The following ZNF546 variants were observed in gnomAD, a reference collection of about 807,000 sequenced individuals.
ZNF546 encodes CTC-471F3.6.
A neutral mutation model predicts 76.2 loss-of-function variants in ZNF546; 60 were observed. That is an observed-to-expected ratio of 0.79 (90% CI 0.64 to 0.98). The LOEUF (loss-of-function observed/expected upper bound fraction) is 0.98. Ranked by LOEUF, ZNF546 falls within the 50% of genes least tolerant of loss-of-function variation. The probability of loss-of-function intolerance (pLI) is 0.00; values close to 1 mark genes in which losing one functional copy is unlikely to be tolerated. For synonymous variants in ZNF546, 277 were observed against 328.1 expected (o/e 0.84, Z 1.68); for missense variants, 936 against 1,035.6 (o/e 0.90, Z 1.32).
intron 6 of ZNF546, among the ~76,000 whole-genome samples, chr19:40,010,183 A>C (rs1240668505): frequency 1.3e-5 from 2 of 152,150 alleles, no homozygotes; most frequent in African/African-American, 4.8e-5. Context: ...CAGGTGGATC[A>C]CTGGAGGTCA....
In ZNF546 at chr19:40,002,945, C is replaced by A. The variant is rs146648823; in HGVS notation, c.85-3151C>A. Among the ~76,000 whole-genome samples, 37 of 152,270 alleles carry A rather than the reference C, an allele frequency of 2.4e-4. No individual in the cohort carries two copies. The East Asian group carries it at 7.1e-3, about 29-fold the overall frequency. On this transcript the variant is annotated intron_variant, in intron 3 of 6. Transcript: ENST00000347077. ...AAACTCCTGACCTCAAAAGATCCGC[C>A]CACCTTGGCCTCCCAAAGTCCTGGG...
chr19:39,998,207 G>T, intron 2 of ZNF546, 41 bp from the exon 3 acceptor site: 1 of 720,204 alleles, frequency 1.4e-6, no homozygotes, highest in Non-Finnish European at 2.4e-6. Flanking sequence ...ATATCTTTAA[G>T]TAAATCTTTA....
rs1212232174 is a variant in ZNF546 at position 40,019,438 on chromosome 19, A to G, written c.*3657A>G. The G allele has an allele frequency of 6.6e-6, 1 of 152,206 alleles. No individual in the cohort carries two copies. The highest frequency in any genetic ancestry group is 1.5e-5 in the Non-Finnish European group (1 of 68,016). 9.4% of individuals were successfully genotyped at this position (152,206 alleles called of 1,614,324 possible). Reference sequence around the variant, plus strand: ...TCATTAAAAGGAGTTAATGAATTTGAAAATAAAATAGACTTATTAAGGCTT... The same window carrying G: ...TCATTAAAAGGAGTTAATGAATTTGGAAATAAAATAGACTTATTAAGGCTT... On this transcript the variant is annotated 3_prime_UTR_variant, in exon 7 of 7. Coordinates refer to ENST00000347077, the MANE Select transcript of ZNF546 (RefSeq NM_178544.5).
rs753049110 is a variant in ZNF546 at position 40,015,883 on chromosome 19, TG to T, written c.*103del. On this transcript the variant is annotated 3_prime_UTR_variant, in exon 7 of 7. Transcript: ENST00000347077. ...ACATGTGGGAATCCCTTTTACTTCATGCTCACAATTTATCAGAAATTATTTC... is the reference window on the plus strand; with the variant it reads ...ACATGTGGGAATCCCTTTTACTTCATCTCACAATTTATCAGAAATTATTTC... 4 of 1,026,552 alleles carry T rather than the reference TG, an allele frequency of 3.9e-6. No homozygotes were observed. Among genetic ancestry groups the T allele is most frequent in the Non-Finnish European group, 6.0e-6 (4 of 670,838 alleles). The allele number at this position is 1,026,552 out of a possible 1,614,324, so 63.6% of individuals were successfully genotyped here. A position where few individuals can be genotyped will look rare whatever the true frequency, so the allele number is the denominator to read the frequency against.
At chr19:40,004,545 A>G (rs1971578230) in intron 3 of ZNF546, among the ~76,000 whole-genome samples, 1 of 152,228 alleles carries the variant, frequency 6.6e-6, no homozygotes, top group African/African-American at 2.4e-5. Flanking sequence ...CTAGGATTAC[A>G]GGCGTGAGCC....
rs367553737 is a variant in ZNF546, at chr19:39,998,320, A to G, written c.-7A>G. ...CCCAGGCCTTCCTTTCCAGTGAACAATGGACCATGCAGGTGGACCCTCCTC... is the reference window on the plus strand; with the variant it reads ...CCCAGGCCTTCCTTTCCAGTGAACAGTGGACCATGCAGGTGGACCCTCCTC... On this transcript the variant is annotated 5_prime_UTR_variant, in exon 3 of 7. The change abolishes an upstream ATG in the 5' untranslated region. Transcript: ENST00000347077. 2.5e-6 allele frequency: 4 copies of G among 1,613,136 alleles called. No homozygotes were observed. Among genetic ancestry groups the G allele is most frequent in the Non-Finnish European group, 3.4e-6 (4 of 1,179,190 alleles).
chr19:40,005,172 C>T (rs1971588918), intron 3 of ZNF546, among the ~76,000 whole-genome samples: 1 of 151,904 alleles, frequency 6.6e-6, no homozygotes. Context: ...GCATGTGCCA[C>T]CATGCCTAGC....
rs1971760731 is a variant in ZNF546 at position 40,015,954 on chromosome 19, T to G, written c.*173T>G. ...GACTATAGCATCACTCAGTCCCTGT[T>G]AGACTTTAGAAGATTGATACTGATG... On this transcript the variant is annotated 3_prime_UTR_variant, in exon 7 of 7. Coordinates refer to ENST00000347077, the MANE Select transcript of ZNF546 (RefSeq NM_178544.5). 1.5e-6 allele frequency: 1 copy of G among 645,414 alleles called. No homozygotes were observed. Among genetic ancestry groups the G allele is most frequent in the Non-Finnish European group, 2.7e-6 (1 of 375,172 alleles). 40.0% of individuals were successfully genotyped at this position (645,414 alleles called of 1,614,324 possible).
In ZNF546 at chr19:40,013,700, T is replaced by C; in HGVS notation, c.430T>C (p.Ser144Pro). 1 of 1,585,968 alleles carries C rather than the reference T, an allele frequency of 6.3e-7. No individual in the cohort carries two copies. The highest frequency in any genetic ancestry group is 8.6e-7 in the Non-Finnish European group (1 of 1,168,638). ...CAAGTATATTACCAAGAATTTGCTT[T>C]CAGAAAAGAATGTTTGCAAAATCTA... ...EYKYITKNLL[S>P]EKNVCKIYLS... The change falls in exon 7 of 7, where the codon TCA becomes CCA. Residue 144 changes from serine (S) to proline (P), a missense_variant. Transcript: ENST00000347077.
In ZNF546 at chr19:40,005,112, G is replaced by A. The variant is rs542981801; in HGVS notation, c.85-984G>A. Among the ~76,000 whole-genome samples, 264 of 146,328 alleles carry A rather than the reference G, an allele frequency of 1.8e-3. 1 individual carries two copies. Among genetic ancestry groups the A allele is most frequent in the Admixed American group, 7.1e-3 (100 of 14,076 alleles). On this transcript the variant is annotated intron_variant, in intron 3 of 6. Transcript: ENST00000347077. ...CAGCTCACTGCAACCTCTGCCTCCC[G>A]GGTTCAAGCGATTCTCCTGCCTTAG... is the stretch of plus-strand genomic sequence containing the variant.
At chr19:40,002,209 T>TTAGTAAGGC in intron 3 of ZNF546, among the ~76,000 whole-genome samples, 1 of 152,250 alleles carries the variant, frequency 6.6e-6, no homozygotes, top group Non-Finnish European at 1.5e-5. Flanking sequence ...TAGTGTGCCA[T>TTAGTAAGGC]CATAACTGAC....
intron 3 of ZNF546, among the ~76,000 whole-genome samples, chr19:40,005,290 G>T (rs953646112): frequency 6.6e-6 from 1 of 150,706 alleles, no homozygotes; most frequent in Non-Finnish European, 1.5e-5. Flanking sequence ...AAAGTGCTAG[G>T]ATTACAGGTG....
In ZNF546 at chr19:40,008,468, A is replaced by C; in HGVS notation, c.299-2A>C. ...ATGTGTCATTTCTTTTCTCATGAGC[A>C]GGATATACCATTCCTAAGCCAGATG... is the stretch of plus-strand genomic sequence containing the variant. On this transcript the variant is annotated splice_acceptor_variant, in intron 5 of 6. Transcript: ENST00000347077. LOFTEE classifies it high-confidence loss of function. The C allele has an allele frequency of 6.3e-7, 1 of 1,581,028 alleles. No homozygotes were observed. The highest frequency in any genetic ancestry group is 8.6e-7 in the Non-Finnish European group (1 of 1,158,748).
At position 40,015,913 on chromosome 19, in the gene ZNF546, T is replaced by A; in HGVS notation, c.*132T>A. 3 of 846,838 alleles carry A rather than the reference T, an allele frequency of 3.5e-6. No homozygotes were observed. Among genetic ancestry groups the A allele is most frequent in the Non-Finnish European group, 5.7e-6 (3 of 529,026 alleles). 52.5% of individuals were successfully genotyped at this position (846,838 alleles called of 1,614,324 possible). The stretch of plus-strand genomic sequence containing the variant: ...ACAATTTATCAGAAATTATTTCGTA[T>A]GTTAAAGAGTCGAAAGACTATAGCA... On this transcript the variant is annotated 3_prime_UTR_variant, in exon 7 of 7. Transcript: ENST00000347077.
rs1971726779 is a variant in ZNF546, at chr19:40,014,590, C to T, written c.1320C>T (p.Pro440=). ...RHRRIHTGEK[P]YECRECGKAF... ...GTAGAATTCATACTGGTGAGAAACC[C>T]TATGAATGTAGAGAATGTGGAAAAG... Residue 440 remains proline (P), a synonymous_variant, in exon 7 of 7, where the codon CCC becomes CCT. Transcript: ENST00000347077. The T allele has an allele frequency of 6.2e-7, 1 of 1,613,344 alleles. No homozygotes were observed. The highest frequency in any genetic ancestry group is 1.3e-5 in the African/African-American group (1 of 74,800).
intron 6 of ZNF546, among the ~76,000 whole-genome samples, chr19:40,009,124 G>T (rs1490851304): frequency 6.6e-6 from 1 of 152,136 alleles, no homozygotes. Context: ...GGCTAATTTA[G>T]ATAAGATCAG....
rs750826374 is a variant in ZNF546, at chr19:40,015,350, A to G, written c.2080A>G (p.Ile694Val). The G allele has an allele frequency of 7.4e-6, 12 of 1,614,054 alleles. No homozygotes were observed. In the East Asian group the frequency reaches 1.3e-4, roughly 18 times the overall value. ...AGGCCATACTGGTGAGAAGCCCTAC[A>G]TATGTAATGAATGTGGGAATGCTTT... is the stretch of plus-strand genomic sequence containing the variant. ...HRGHTGEKPYICNECGNAFIC... is the reference protein window; with the variant it reads ...HRGHTGEKPYVCNECGNAFIC... The change falls in exon 7 of 7, where the codon ATA becomes GTA. Residue 694 changes from isoleucine to valine, a missense_variant. Physicochemically the swap from Ile to Val is conservative, Grantham distance 29. Transcript: ENST00000347077.
At chr19:40,007,238 T>A (rs373763053) in intron 4 of ZNF546, 36 bp from the exon 5 acceptor site, 268 of 1,461,990 alleles carry the variant, frequency 1.8e-4, no homozygotes, top group Non-Finnish European at 2.4e-4. Flanking sequence ...GAAAATACAT[T>A]TAATTTTTTT....
intron 3 of ZNF546, chr19:39,998,660 A>AT (rs1301738890): frequency 4.5e-6 from 2 of 448,866 alleles, no homozygotes; most frequent in Non-Finnish European, 8.0e-6. Flanking sequence ...ATGAGCAGGG[A>AT]TTTTTTTCCA....
Sources: gnomAD v4.1 joint callset for allele counts (sites outside exome capture counted in the v4.1 genomes callset) on GRCh38, gnomAD v4.1.1 for gene constraint, MANE v1.5 for transcripts, NCBI Gene and HGNC (gene_info 2026-07-23, HGNC 2026-07-21) for gene names.